PLCZ1: variants seen among roughly 807,000 people sequenced by gnomAD.
PLCZ1 encodes the protein phospholipase C zeta 1.
A neutral mutation model predicts 76.8 loss-of-function variants in PLCZ1; 64 were observed. The ratio of observed to expected loss-of-function variants is 0.83; its 90% CI spans 0.68 to 1.03. PLCZ1 has a LOEUF of 1.03. PLCZ1 is among the 50% of genes least tolerant of loss of function. PLCZ1 has a pLI of 0.00. For synonymous variants in PLCZ1, 248 were observed against 230.8 expected (o/e 1.07, Z -0.68); for missense variants, 751 against 713.7 (o/e 1.05, Z -0.60).
intron 12 of PLCZ1, among the ~76,000 whole-genome samples, chr12:18,694,651 T>C (rs1441176730): frequency 3.3e-5 from 5 of 152,148 alleles, no homozygotes; most frequent in African/African-American, 1.2e-4. Flanking sequence ...AATGAAATCA[T>C]ATAGTAGAAC....
chr12:18,705,254 A>T lies in PLCZ1; in HGVS notation c.776T>A (p.Val259Glu). The change falls in exon 7 of 15, where the codon GTA becomes GAA. Residue 259 changes from valine to glutamate, a missense_variant. Coordinates refer to ENST00000266505, the MANE Select transcript of PLCZ1 (RefSeq NM_033123.4). ...AGTAGCCTGCAAATTGTCTGCCATTACTTCTTGTTGGGCAGTGGAGCAGTG... is the reference window on the plus strand; with the variant it reads ...AGTAGCCTGCAAATTGTCTGCCATTTCTTCTTGTTGGGCAGTGGAGCAGTG... The part of the protein sequence containing the change: ...ENHCSTAQQE[V>E]MADNLQATFG... 1.9e-6 allele frequency: 3 copies of T among 1,614,064 alleles called. No homozygotes were observed. Among genetic ancestry groups the T allele is most frequent in the Non-Finnish European group, 2.5e-6 (3 of 1,179,970 alleles).
chr12:18,652,334 T>A, the PLCZ1 span, among the ~76,000 whole-genome samples: 10 of 152,076 alleles, frequency 6.6e-5, no homozygotes, highest in African/African-American at 2.4e-4. Context: ...GAAAATGTCA[T>A]ATAAACATGA....
intron 11 of PLCZ1, 78 bp from the exon 12 acceptor site, chr12:18,695,157 T>C: frequency 7.3e-7 from 1 of 1,361,250 alleles, no homozygotes; most frequent in Non-Finnish European, 1.0e-6. Context: ...TACTGAAATC[T>C]AATAATGGAT....
intron 3 of PLCZ1, among the ~76,000 whole-genome samples, chr12:18,726,627 T>C (rs1958765727): frequency 6.6e-6 from 1 of 151,720 alleles, no homozygotes; most frequent in Non-Finnish European, 1.5e-5. Context: ...GAATGAAGGC[T>C]TTCCATATTG....
intron 5 of PLCZ1, among the ~76,000 whole-genome samples, chr12:18,718,946 T>C (rs983811405): frequency 3.3e-5 from 5 of 152,206 alleles, no homozygotes; most frequent in Non-Finnish European, 7.3e-5. Flanking sequence ...TTAATCTATG[T>C]AAACTCTTTA....
intron 4 of PLCZ1, among the ~76,000 whole-genome samples, chr12:18,719,861 CT>C (rs1387361924): frequency 6.6e-6 from 1 of 151,936 alleles, no homozygotes; most frequent in Non-Finnish European, 1.5e-5. Flanking sequence ...TTAATTATCT[CT>C]TTTTTTATGT....
At chr12:18,717,098 A>C (rs1958073039) in intron 5 of PLCZ1, among the ~76,000 whole-genome samples, 1 of 152,132 alleles carries the variant, frequency 6.6e-6, no homozygotes, top group Non-Finnish European at 1.5e-5. Context: ...GTGTCTTCCA[A>C]AGGTGGATAA....
At chr12:18,694,167 G>A (rs1954587727) in intron 12 of PLCZ1, 3 of 698,748 alleles carry the variant, frequency 4.3e-6, no homozygotes, top group Non-Finnish European at 7.4e-6. Context: ...TGAGGCTGGG[G>A]GAGTTGCCCA....
chr12:18,721,854 C>A (rs1248834371), intron 4 of PLCZ1, among the ~76,000 whole-genome samples: 1 of 151,978 alleles, frequency 6.6e-6, no homozygotes, highest in Non-Finnish European at 1.5e-5. Flanking sequence ...CACTAAGACT[C>A]AACTCAATGA....
At chr12:18,683,682 A>G (rs188397902) in intron 14 of PLCZ1, 12 of 1,235,310 alleles carry the variant, frequency 9.7e-6, no homozygotes, top group African/African-American at 9.2e-5. Context: ...GCACAGTGTA[A>G]ATCACCCTGG....
At chr12:18,677,293 T>C in the PLCZ1 span, among the ~76,000 whole-genome samples, 9 of 152,154 alleles carry the variant, frequency 5.9e-5, no homozygotes, top group Admixed American at 5.9e-4. Flanking sequence ...GCAAGACAGT[T>C]TCTAGAAAGC....
chr12:18,732,705 G>A (rs1959122571), intron 3 of PLCZ1, among the ~76,000 whole-genome samples: 1 of 152,084 alleles, frequency 6.6e-6, no homozygotes, highest in South Asian at 2.1e-4. Context: ...CCTCACATAA[G>A]TGGTGTCATG....
At chr12:18,693,537 A>T (rs1954469141) in intron 12 of PLCZ1, 2 of 1,611,618 alleles carry the variant, frequency 1.2e-6, no homozygotes, top group South Asian at 2.2e-5. Flanking sequence ...GTTGGCTCTG[A>T]ACTTATTCAG....
At chr12:18,693,361 G>C in intron 12 of PLCZ1, 2 of 1,600,360 alleles carry the variant, frequency 1.2e-6, no homozygotes, top group Non-Finnish European at 1.7e-6. Flanking sequence ...AACCAAATTC[G>C]GGAAATTAAG....
chr12:18,725,980 C>G (rs984661195), intron 3 of PLCZ1, among the ~76,000 whole-genome samples: 1 of 151,982 alleles, frequency 6.6e-6, no homozygotes. Context: ...GGAATGACAG[C>G]CTTTTTCTAT....
intron 3 of PLCZ1, 152 bp from the exon 4 acceptor site, chr12:18,723,694 C>A: frequency 1.4e-6 from 1 of 732,900 alleles, no homozygotes; most frequent in Non-Finnish European, 2.2e-6. Flanking sequence ...TACAAAGCTG[C>A]ATGGAGTGAC....
At chr12:18,716,634 A>G (rs886641473) in intron 5 of PLCZ1, among the ~76,000 whole-genome samples, 15 of 152,306 alleles carry the variant, frequency 9.8e-5, no homozygotes, top group African/African-American at 3.4e-4. Context: ...GGAAACTTAC[A>G]GGTGATAGTC....
intron 7 of PLCZ1, among the ~76,000 whole-genome samples, chr12:18,703,131 G>T (rs940401960): frequency 6.6e-6 from 1 of 152,204 alleles, no homozygotes; most frequent in East Asian, 1.9e-4. Flanking sequence ...TCCAGAATTG[G>T]ACTATGATTT....
At chr12:18,669,083 A>T in the PLCZ1 span, among the ~76,000 whole-genome samples, 3 of 152,208 alleles carry the variant, frequency 2.0e-5, no homozygotes, top group Non-Finnish European at 4.4e-5. Flanking sequence ...CTGCATTTTC[A>T]TGGTACTGTT....
Sources: allele counts gnomAD v4.1 joint callset (sites outside exome capture counted in the v4.1 genomes callset), GRCh38; gene constraint gnomAD v4.1.1; transcripts MANE v1.5; gene names NCBI Gene and HGNC (gene_info 2026-07-23, HGNC 2026-07-21).